TBC1D9B: variants seen among roughly 807,000 people sequenced by gnomAD.
TBC1D9B encodes the protein TBC1 domain family, member 9B (with GRAM domain).
TBC1D9B carries 87 observed loss-of-function variants against 121.1 expected under a neutral mutation model. That is an observed-to-expected ratio of 0.72 (90% CI 0.60 to 0.86). The LOEUF is 0.86. TBC1D9B is among the 40% of genes least tolerant of loss of function. The pLI, the probability that TBC1D9B is intolerant of heterozygous loss-of-function variation, is 0.00. For missense variants in TBC1D9B, 1,540 were observed against 1,628.6 expected, an observed-to-expected ratio of 0.95 and a Z score of 0.94; for synonymous variants, 668 against 670.1, an observed-to-expected ratio of 1.00 and a Z score of 0.05.
chr5:179,890,138 A>G lies in TBC1D9B; in HGVS notation c.1044+1241T>C, dbSNP rs1760819356. Among the ~76,000 whole-genome samples, 1 of 152,190 alleles carries G rather than the reference A, an allele frequency of 6.6e-6. No homozygotes were observed. Among genetic ancestry groups the G allele is most frequent in the Non-Finnish European group, 1.5e-5 (1 of 68,026 alleles). ...GGTTGGGAGTGAAATTCAAGAGTCC[A>G]CTACACCCACAGCAGAGTGAGCTGC... On this transcript the variant is annotated intron_variant, in intron 6 of 20. Transcript: ENST00000355235. This position sits in a 1 kb window ranked among gnomAD's most constrained non-coding sequence, Gnocchi z 5.0.
Position 179,873,213 on chromosome 5 carries a change from G to T in TBC1D9B, c.2222C>A (p.Ser741Tyr), listed in dbSNP as rs1235095561. The T allele has an allele frequency of 1.2e-6, 2 of 1,612,900 alleles. No homozygotes were observed. ...GGCACGGAGGTGCGGGATAGGAGGA[G>T]AGACACTCTGCTTGTTGACCACATT... ...LDNVVNKQSV[S>Y]PPIPHLRALL... The change falls in exon 13 of 21, where the codon TCT becomes TAT. Residue 741 changes from serine to tyrosine, a missense_variant. Ser to Tyr is a moderately radical substitution (Grantham distance 144). Transcript: ENST00000355235.
intron 1 of TBC1D9B, among the ~76,000 whole-genome samples, chr5:179,906,193 G>A (rs750994901): frequency 6.6e-6 from 1 of 152,224 alleles, no homozygotes; most frequent in Non-Finnish European, 1.5e-5. Flanking sequence ...AGGGAGGACA[G>A]TACTCAGGAG....
At chr5:179,879,955 C>T in intron 7 of TBC1D9B, 166 bp from the exon 8 acceptor site, 2 of 788,014 alleles carry the variant, frequency 2.5e-6, no homozygotes, top group Non-Finnish European at 3.9e-6. Context: ...GCTGTGGCTG[C>T]AGCTCAGCCC....
At chr5:179,867,696 G>T in intron 18 of TBC1D9B, 82 bp downstream of exon 18, 1 of 1,585,246 alleles carries the variant, frequency 6.3e-7, no homozygotes, top group Non-Finnish European at 8.6e-7. Flanking sequence ...GGGACTGCTG[G>T]CCACTGCCCG....
chr5:179,870,757 AAGGGCTGAGCCTTCCTGGC>A (rs1760169335), intron 15 of TBC1D9B: 3 of 501,880 alleles, frequency 6.0e-6, no homozygotes, highest in Non-Finnish European at 1.1e-5. Flanking sequence ...GGCCCCAGAG[AAGGGCTGAGCCTTCCTGGC>A]AGGGCTCCAG....
intron 4 of TBC1D9B, 70 bp downstream of exon 4, chr5:179,894,316 G>A (rs1760955623): frequency 7.2e-7 from 1 of 1,393,444 alleles, no homozygotes; most frequent in Non-Finnish European, 9.9e-7. Flanking sequence ...TGGGGATGGA[G>A]TATCTGGGGG....
At chr5:179,894,341 G>A (rs1234645356) in intron 4 of TBC1D9B, 45 bp downstream of exon 4, 2 of 1,540,760 alleles carry the variant, frequency 1.3e-6, no homozygotes, top group East Asian at 2.3e-5. Context: ...AGGCAGGGAG[G>A]GGCTGAGGGT....
intron 8 of TBC1D9B, 130 bp from the exon 9 acceptor site, chr5:179,879,327 C>T: frequency 7.2e-7 from 1 of 1,397,904 alleles, no homozygotes; most frequent in South Asian, 1.4e-5. Flanking sequence ...CTCGCAATTC[C>T]CGGGAAAGAC....
At chr5:179,889,428 C>T (rs140293393) in intron 6 of TBC1D9B, among the ~76,000 whole-genome samples, 1 of 148,288 alleles carries the variant, frequency 6.7e-6, no homozygotes, top group South Asian at 2.1e-4. Context: ...TCACAGGTCA[C>T]AGGAGGCAGG....
chr5:179,898,651 G>A (rs1191508211), intron 3 of TBC1D9B, among the ~76,000 whole-genome samples: 9 of 151,940 alleles, frequency 5.9e-5, no homozygotes, highest in Non-Finnish European at 1.3e-4. Flanking sequence ...GTTTTGCCAC[G>A]TTGGCCAGGC....
In TBC1D9B at chr5:179,862,419, C is replaced by A. The variant is rs1170033661; in HGVS notation, c.*1029G>T. On this transcript the variant is annotated 3_prime_UTR_variant, in exon 21 of 21. Transcript: ENST00000355235. ...TCACCTTTGGCTCCACAGTCTGGTT[C>A]TTGAACCCAAGGGCAGACAGCTTGC... 2 of 385,618 alleles carry A rather than the reference C, an allele frequency of 5.2e-6. No individual in the cohort carries two copies. The highest frequency in any genetic ancestry group is 1.1e-5 in the Non-Finnish European group (2 of 183,338). 23.9% of individuals were successfully genotyped at this position (385,618 alleles called of 1,614,324 possible).
chr5:179,901,098 T>C (rs536177864), intron 2 of TBC1D9B, among the ~76,000 whole-genome samples: 2 of 152,270 alleles, frequency 1.3e-5, no homozygotes, highest in Non-Finnish European at 2.9e-5. Context: ...GGCCACAGGA[T>C]AGATCCTCCC....
rs762884965 is a variant in TBC1D9B at position 179,878,457 on chromosome 5, T to C, written c.1634A>G (p.Lys545Arg). ...GATCTCCTCTGTGGCCAGGCTGTAC[T>C]TCCCGGTGGACTTCTCCACCAGCTC... ...YAELVEKSTG[K>R]YSLATEEIER... Residue 545 changes from lysine to arginine, a missense_variant, in exon 10 of 21, where the codon AAG becomes AGG. Coordinates refer to ENST00000355235, the MANE Select transcript of TBC1D9B (RefSeq NM_015043.4). The C allele has an allele frequency of 3.1e-6, 5 of 1,612,646 alleles. No homozygotes were observed. Among genetic ancestry groups the C allele is most frequent in the Non-Finnish European group, 4.2e-6 (5 of 1,179,452 alleles).
rs745840958 is a variant in TBC1D9B, at chr5:179,893,487, C to T, written c.578-20G>A. 26 of 1,576,416 alleles carry T rather than the reference C, an allele frequency of 1.6e-5. No homozygotes were observed. In the Admixed American group the frequency reaches 4.0e-4, roughly 24 times the overall value. On this transcript the variant is annotated intron_variant, in intron 4 of 20. Transcript: ENST00000355235. ...GGCTCACTGTGCCCACAGAGATAGA[C>T]ACACCGCAAGTTAGGGCCTGGCAGG...
rs533960053 is a variant in TBC1D9B, at chr5:179,865,650, G to C, written c.2914+188C>G. 7 of 668,178 alleles carry C rather than the reference G, an allele frequency of 1.0e-5. No homozygotes were observed. The East Asian group carries it at 1.9e-4, about 18-fold the overall frequency. 41.4% of individuals were successfully genotyped at this position (668,178 alleles called of 1,614,324 possible). ...AGAAGCTGGCAAGAGAGGGCTGGCT[G>C]GGTGCCCGTGGGGCTGGTGGAGAGC... On this transcript the variant is annotated intron_variant, in intron 19 of 20. Transcript: ENST00000355235. The surrounding 1 kb of genome is among the most constrained non-coding windows in gnomAD (Gnocchi z 5.1).
intron 6 of TBC1D9B, among the ~76,000 whole-genome samples, chr5:179,888,776 G>A (rs1179873092): frequency 6.6e-6 from 1 of 152,200 alleles, no homozygotes; most frequent in Non-Finnish European, 1.5e-5. Context: ...AGAGCCCAAG[G>A]CCTGGCAGGG....
intron 4 of TBC1D9B, 82 bp downstream of exon 4, chr5:179,894,304 T>TGTGG: frequency 2.4e-6 from 3 of 1,261,788 alleles, no homozygotes; most frequent in Non-Finnish European, 3.3e-6. Flanking sequence ...CTGGTGGCCA[T>TGTGG]GTGGGGATGG....
rs752868244 is a variant in TBC1D9B, at chr5:179,870,405, T to G, written c.2575A>C (p.Ile859Leu). 12 of 1,613,678 alleles carry G rather than the reference T, an allele frequency of 7.4e-6. No homozygotes were observed. Among genetic ancestry groups the G allele is most frequent in the Non-Finnish European group, 9.3e-6 (11 of 1,180,016 alleles). ...PSLPYLEQYRIDASQFRELFA... is the reference protein window; with the variant it reads ...PSLPYLEQYRLDASQFRELFA... ...AGTTCCCGGAACTGGCTGGCATCAA[T>G]CCGGTACTGCTCCAGGTAGGGCAGG... Residue 859 changes from isoleucine to leucine, a missense_variant, in exon 16 of 21, where the codon ATT (isoleucine) becomes CTT (leucine). Ile to Leu is a conservative substitution (Grantham distance 5). Coordinates refer to ENST00000355235, the MANE Select transcript of TBC1D9B (RefSeq NM_015043.4).
intron 2 of TBC1D9B, among the ~76,000 whole-genome samples, chr5:179,903,851 A>G (rs937607481): frequency 6.6e-6 from 1 of 152,166 alleles, no homozygotes; most frequent in Admixed American, 6.5e-5. Context: ...AGAGACTGTG[A>G]ACAGGACACG....
Sources: gnomAD v4.1 joint callset for allele counts (sites outside exome capture counted in the v4.1 genomes callset) on GRCh38, gnomAD v4.1.1 for gene constraint, Gnocchi (gnomAD v3.1) non-coding constraint, MANE v1.5 for transcripts, NCBI Gene and HGNC (gene_info 2026-07-23, HGNC 2026-07-21) for gene names.